TOGARAM1: variants seen among roughly 807,000 people sequenced by gnomAD.
TOGARAM1 encodes the protein TOG array regulator of axonemal microtubules protein 1.
Under a neutral mutation model 166.6 loss-of-function variants are expected in TOGARAM1, and 100 were observed. The ratio of observed to expected loss-of-function variants is 0.60; its 90% CI spans 0.51 to 0.71. The LOEUF is 0.71. Ranked by LOEUF, TOGARAM1 falls within the 30% of genes least tolerant of loss-of-function variation. The pLI, the probability that TOGARAM1 is intolerant of heterozygous loss-of-function variation, is 0.00. For missense variants in TOGARAM1, 2,029 were observed against 2,102.7 expected (o/e 0.96, Z 0.69); for synonymous variants, 758 against 763.8 (o/e 0.99, Z 0.13).
chr14:44,964,426 A>G lies in TOGARAM1; in HGVS notation c.2005A>G (p.Met669Val). The change falls in exon 1 of 20, where the codon ATG becomes GTG. Residue 669 changes from methionine to valine, a missense_variant. Physicochemically the swap from Met to Val is conservative, Grantham distance 21. Coordinates refer to ENST00000361462, the MANE Select transcript of TOGARAM1 (RefSeq NM_001308120.2). ...LPWENEQPGIMGENQTSTSKD... is the reference protein window; with the variant it reads ...LPWENEQPGIVGENQTSTSKD... ...ATGGGAAAATGAGCAACCTGGAATCATGGGAGAAAACCAGACCTCCACTTC... is the reference window on the plus strand; with the variant it reads ...ATGGGAAAATGAGCAACCTGGAATCGTGGGAGAAAACCAGACCTCCACTTC... 6.2e-7 allele frequency: 1 copy of G among 1,604,850 alleles called. No homozygotes were observed. The highest frequency in any genetic ancestry group is 1.3e-5 in the African/African-American group (1 of 74,738).
chr14:45,049,057 CAAAAAAA>C (rs71108678), intron 14 of TOGARAM1, among the ~76,000 whole-genome samples: 2 of 47,300 alleles, frequency 4.2e-5, no homozygotes, highest in Admixed American at 4.1e-4. Flanking sequence ...ACAAACTTCT[CAAAAAAA>C]AAAAAAAAAA....
chr14:45,020,700 C>T lies in TOGARAM1; in HGVS notation c.3239-5083C>T, dbSNP rs533685457. Among the ~76,000 whole-genome samples, 97 of 152,286 alleles carry T rather than the reference C, an allele frequency of 6.4e-4. 1 individual carries two copies. Among genetic ancestry groups the T allele is most frequent in the Middle Eastern group, 3.4e-3 (1 of 294 alleles). On this transcript the variant is annotated intron_variant, in intron 7 of 19. Transcript: ENST00000361462. ...GAGGTACCACAGACAAAAAATATTCCTGAGGGTAGGCAGACTATTTGTGTG... is the reference window on the plus strand; with the variant it reads ...GAGGTACCACAGACAAAAAATATTCTTGAGGGTAGGCAGACTATTTGTGTG...
At chr14:45,055,348 G>A (rs116724563) in intron 16 of TOGARAM1, among the ~76,000 whole-genome samples, 10 of 152,318 alleles carry the variant, frequency 6.6e-5, no homozygotes, top group African/African-American at 1.9e-4. Context: ...TCAAAGATCA[G>A]TTGGTTGTAG....
chr14:44,998,550 T>C (rs1006591415), intron 2 of TOGARAM1, among the ~76,000 whole-genome samples: 1 of 152,228 alleles, frequency 6.6e-6, no homozygotes, highest in Non-Finnish European at 1.5e-5. Context: ...GAAGATCACC[T>C]GAGCTCAGGG....
chr14:44,981,689 GT>G (rs1002840546), intron 1 of TOGARAM1, among the ~76,000 whole-genome samples: 1 of 152,118 alleles, frequency 6.6e-6, no homozygotes, highest in African/African-American at 2.4e-5. Context: ...CAGAGGAAAA[GT>G]TTGTGCTTTT....
At chr14:45,033,652 A>G (rs192620667) in intron 11 of TOGARAM1, among the ~76,000 whole-genome samples, 2 of 152,232 alleles carry the variant, frequency 1.3e-5, no homozygotes, top group Admixed American at 6.5e-5. Context: ...TCATAAATGT[A>G]TATCTGTATC....
intron 11 of TOGARAM1, among the ~76,000 whole-genome samples, chr14:45,043,075 C>T (rs1438155890): frequency 6.6e-6 from 1 of 152,194 alleles, no homozygotes; most frequent in Non-Finnish European, 1.5e-5. Flanking sequence ...CACTGAATAT[C>T]TGCTGTTTCG....
At chr14:44,988,557 C>T (rs974643735) in intron 1 of TOGARAM1, among the ~76,000 whole-genome samples, 1 of 152,146 alleles carries the variant, frequency 6.6e-6, no homozygotes, top group African/African-American at 2.4e-5. Flanking sequence ...GTTAAAGAGA[C>T]AAAAACATAT....
intron 1 of TOGARAM1, among the ~76,000 whole-genome samples, chr14:44,965,869 A>ATTTT (rs747983176): frequency 2.2e-4 from 26 of 120,492 alleles, no homozygotes; most frequent in African/African-American, 3.0e-4. Flanking sequence ...ACAAATAGTA[A>ATTTT]TTTTTTTTTT....
At chr14:45,046,020 A>G (rs931382473) in intron 13 of TOGARAM1, among the ~76,000 whole-genome samples, 2 of 152,152 alleles carry the variant, frequency 1.3e-5, no homozygotes, top group African/African-American at 4.8e-5. Context: ...TCATAGATCT[A>G]TAACTAAATG....
intron 16 of TOGARAM1, among the ~76,000 whole-genome samples, chr14:45,058,541 C>T (rs1000358724): frequency 6.6e-6 from 1 of 152,162 alleles, no homozygotes; most frequent in Non-Finnish European, 1.5e-5. Context: ...GATCCATCTG[C>T]GTTGGCCTCC....
intron 1 of TOGARAM1, among the ~76,000 whole-genome samples, chr14:44,975,094 C>T (rs543515264): frequency 6.6e-6 from 1 of 152,050 alleles, no homozygotes; most frequent in African/African-American, 2.4e-5. Flanking sequence ...TTTTTATATA[C>T]CAGAAAGCAA....
At chr14:45,033,991 TA>T (rs1287935198) in intron 11 of TOGARAM1, among the ~76,000 whole-genome samples, 1 of 151,944 alleles carries the variant, frequency 6.6e-6, no homozygotes, top group Non-Finnish European at 1.5e-5. Flanking sequence ...TTGTCTGTAC[TA>T]AAAAACGCAA....
intron 1 of TOGARAM1, among the ~76,000 whole-genome samples, chr14:44,987,700 T>C (rs996978504): frequency 6.7e-6 from 1 of 150,186 alleles, no homozygotes; most frequent in African/African-American, 2.5e-5. Context: ...AGTGTGGCGA[T>C]TCCTCAGGGA....
Position 45,073,492 on chromosome 14 carries a change from A to G in TOGARAM1, c.5253A>G (p.Ala1751=). 1 of 1,614,172 alleles carries G rather than the reference A, an allele frequency of 6.2e-7. No individual in the cohort carries two copies. The highest frequency in any genetic ancestry group is 8.5e-7 in the Non-Finnish European group (1 of 1,180,008). The change falls in exon 20 of 20, where the codon GCA becomes GCG. Residue 1751 remains alanine (A), a synonymous_variant. Coordinates refer to ENST00000361462, the MANE Select transcript of TOGARAM1 (RefSeq NM_001308120.2). Reference sequence around the variant, plus strand: ...GTCAGAATCTGTTAAATCAGGCTGCATCTCAACCACCACATATCAAAAAGA... The same window carrying G: ...GTCAGAATCTGTTAAATCAGGCTGCGTCTCAACCACCACATATCAAAAAGA... The part of the protein sequence containing the change: ...QMGQNLLNQA[A]SQPPHIKKSL...
Position 45,054,480 on chromosome 14 carries a change from C to T in TOGARAM1, c.4490C>T (p.Ser1497Phe). The change falls in exon 16 of 20, where the codon TCT becomes TTT. Residue 1497 changes from serine (S) to phenylalanine (F), a missense_variant. Transcript: ENST00000361462. ...ACTCCTTCAGCAAAAGGAAGACGAT[C>T]TCATACTGGCAGTGTTGGAAATACA... ...LDTPSAKGRRSHTGSVGNTRS... is the reference protein window; with the variant it reads ...LDTPSAKGRRFHTGSVGNTRS... 6.8e-6 allele frequency: 11 copies of T among 1,613,452 alleles called. No homozygotes were observed. The highest frequency in any genetic ancestry group is 9.3e-6 in the Non-Finnish European group (11 of 1,179,708).
chr14:44,972,411 A>T (rs1885936589), intron 1 of TOGARAM1, among the ~76,000 whole-genome samples: 1 of 152,090 alleles, frequency 6.6e-6, no homozygotes, highest in African/African-American at 2.4e-5. Flanking sequence ...TGTTGAGTTC[A>T]ACTGTGTCTT....
At chr14:45,034,899 T>A (rs1274451419) in intron 11 of TOGARAM1, among the ~76,000 whole-genome samples, 1 of 151,914 alleles carries the variant, frequency 6.6e-6, no homozygotes, top group Non-Finnish European at 1.5e-5. Flanking sequence ...GTGAAACCAA[T>A]GCAAAAATGA....
chr14:45,000,199 A>G (rs1887631182), intron 3 of TOGARAM1, among the ~76,000 whole-genome samples: 1 of 152,080 alleles, frequency 6.6e-6, no homozygotes, highest in Non-Finnish European at 1.5e-5. Context: ...GAGTTTCACC[A>G]TATTGATCAG....
Sources: gnomAD v4.1 joint callset for allele counts (sites outside exome capture counted in the v4.1 genomes callset) on GRCh38, gnomAD v4.1.1 for gene constraint, MANE v1.5 for transcripts, NCBI Gene and HGNC (gene_info 2026-07-23, HGNC 2026-07-21) for gene names.